Variants in ANKAR observed in about 807,000 individuals in gnomAD.
ANKAR encodes ankyrin and armadillo repeat containing.
Under a neutral mutation model 146.2 loss-of-function variants are expected in ANKAR, and 136 were observed. That is an observed-to-expected ratio of 0.93 (90% CI 0.81 to 1.07). The LOEUF (loss-of-function observed/expected upper bound fraction) is 1.07, where lower values mean the gene tolerates loss of function less well. ANKAR is among the 50% of genes least tolerant of loss of function. The pLI, the probability that ANKAR is intolerant of heterozygous loss-of-function variation, is 0.00. For missense variants in ANKAR, 1,567 were observed against 1,679.9 expected, an observed-to-expected ratio of 0.93 and a Z score of 1.18; for synonymous variants, 500 against 575.8, an observed-to-expected ratio of 0.87 and a Z score of 1.88.
At chr2:189,695,286 C>T in intron 6 of ANKAR, 125 bp downstream of exon 6, 1 of 797,140 alleles carries the variant, frequency 1.3e-6, no homozygotes, top group Non-Finnish European at 1.8e-6. Context: ...AAATAAAATG[C>T]CACATTTTAG....
At chr2:189,722,982 A>C (rs749976540) in intron 12 of ANKAR, among the ~76,000 whole-genome samples, 1 of 152,132 alleles carries the variant, frequency 6.6e-6, no homozygotes, top group Non-Finnish European at 1.5e-5. Flanking sequence ...ACTCCAAGGA[A>C]GATAACTTAA....
At chr2:189,741,169 T>C (rs1254520795) in intron 19 of ANKAR, among the ~76,000 whole-genome samples, 173 bp from the exon 20 acceptor site, 2 of 152,196 alleles carry the variant, frequency 1.3e-5, no homozygotes, top group Non-Finnish European at 2.9e-5. Context: ...AACCAAACTG[T>C]AATTTTGGGG....
In ANKAR at chr2:189,728,946, T is replaced by C; in HGVS notation, c.3193+125T>C. 5.8e-6 allele frequency: 5 copies of C among 856,308 alleles called. No homozygotes were observed. In the East Asian group the frequency reaches 1.4e-4, roughly 23 times the overall value. 53.0% of individuals were successfully genotyped at this position (856,308 alleles called of 1,614,324 possible). A position where few individuals can be genotyped will look rare whatever the true frequency, so the allele number is the denominator to read the frequency against. On this transcript the variant is annotated intron_variant, in intron 15 of 22. Transcript: ENST00000684021. ...TTTGAGCCCTAAATGGTATTTAATG[T>C]ATGAAAGACTATTATAACTTTTAAA...
Position 189,689,025 on chromosome 2 carries a change from G to A in ANKAR, c.602-502G>A, listed in dbSNP as rs577144181. Among the ~76,000 whole-genome samples the A allele has an allele frequency of 1.5e-3, 224 of 152,254 alleles. 11 individuals are homozygous for A. In the South Asian group the frequency reaches 0.045, roughly 30 times the overall value. On this transcript the variant is annotated intron_variant, in intron 2 of 22. Coordinates refer to ENST00000684021, the MANE Select transcript of ANKAR (RefSeq NM_001378068.1). Reference sequence around the variant, plus strand: ...ATTCTTTTAAAATTGCTTATCTTGAGGACAGTGTTTGTTTAACTGTTAGAG... The same window carrying A: ...ATTCTTTTAAAATTGCTTATCTTGAAGACAGTGTTTGTTTAACTGTTAGAG...
At chr2:189,746,091 GA>G (rs769170598) in intron 22 of ANKAR, among the ~76,000 whole-genome samples, 2 of 152,156 alleles carry the variant, frequency 1.3e-5, no homozygotes, top group Admixed American at 6.5e-5. Context: ...ATCATTTTGA[GA>G]TAATGCCTTT....
intron 5 of ANKAR, 118 bp downstream of exon 5, chr2:189,693,295 T>G: frequency 1.5e-6 from 1 of 648,166 alleles, no homozygotes. Flanking sequence ...GATTCCACAA[T>G]AATAACCACC....
intron 9 of ANKAR, among the ~76,000 whole-genome samples, chr2:189,709,140 TAA>T (rs995492237): frequency 2.0e-5 from 3 of 150,228 alleles, no homozygotes; most frequent in Non-Finnish European, 4.4e-5. Context: ...ATTACCTGTT[TAA>T]AAAAAAAGAG....
chr2:189,718,791 G>T (rs1426461125), intron 10 of ANKAR, among the ~76,000 whole-genome samples: 1 of 143,200 alleles, frequency 7.0e-6, no homozygotes, highest in South Asian at 2.2e-4. Flanking sequence ...CGCCCAGGCC[G>T]GACTGCGGAC....
intron 4 of ANKAR, 123 bp from the exon 5 acceptor site, chr2:189,692,951 G>T (rs1300619792): frequency 4.0e-6 from 2 of 502,326 alleles, no homozygotes; most frequent in Non-Finnish European, 7.0e-6. Context: ...CTGCTATCCG[G>T]GTCTTCTGGA....
chr2:189,694,540 T>C (rs967523448), intron 5 of ANKAR, among the ~76,000 whole-genome samples: 1 of 152,200 alleles, frequency 6.6e-6, no homozygotes, highest in Non-Finnish European at 1.5e-5. Flanking sequence ...GGAGGGGGGT[T>C]TCTCTAGTCC....
intron 17 of ANKAR, among the ~76,000 whole-genome samples, chr2:189,736,499 G>GTTTTTTTTTTTTTTTT (rs71938893): frequency 2.6e-5 from 3 of 113,720 alleles, no homozygotes; most frequent in East Asian, 2.8e-4. Context: ...AGGTGACTGG[G>GTTTTTTTTTTTTTTTT]TTTTGTGTGT....
At chr2:189,692,439 G>T in intron 4 of ANKAR, 21 bp downstream of exon 4, 1 of 1,588,180 alleles carries the variant, frequency 6.3e-7, no homozygotes, top group East Asian at 2.3e-5. Context: ...TCATTCCTTA[G>T]ACAATTTATC....
At chr2:189,762,396 G>T, downstream of ANKAR, 1 of 178,316 alleles carries the variant, frequency 5.6e-6, no homozygotes, top group Non-Finnish European at 1.1e-5. Flanking sequence ...AAAGGGACAC[G>T]GCATCCCAGG....
Position 189,741,336 on chromosome 2 carries a change from TTATAGGGAATTTA to T in ANKAR, c.3701-5_3708del, listed in dbSNP as rs757604617. ...AACACAAGCATTTTTCTTGTTTAAT[TTATAGGGAATTTA>T]ATAGCAAGCCTGGCTCATTCTAGAG... On this transcript the variant is annotated splice_acceptor_variant and splice_polypyrimidine_tract_variant and coding_sequence_variant and intron_variant, in exon 20 of 23. Transcript: ENST00000684021. LOFTEE classifies it high-confidence loss of function. 14 of 1,579,478 alleles carry T rather than the reference TTATAGGGAATTTA, an allele frequency of 8.9e-6. No homozygotes were observed. Among genetic ancestry groups the T allele is most frequent in the Admixed American group, 1.9e-5 (1 of 53,082 alleles).
chr2:189,722,709 T>C (rs2041437941), intron 12 of ANKAR, among the ~76,000 whole-genome samples: 1 of 152,024 alleles, frequency 6.6e-6, no homozygotes, highest in South Asian at 2.1e-4. Context: ...GGTGAAAACC[T>C]GTCTCTACTA....
chr2:189,694,960 T>C (rs534488091), intron 5 of ANKAR, 21 bp from the exon 6 acceptor site: 1 of 1,393,322 alleles, frequency 7.2e-7, no homozygotes, highest in African/African-American at 1.4e-5. Context: ...GAAACATCTT[T>C]TTTTTCTTTA....
chr2:189,751,048 G>A (rs761661427), downstream of ANKAR, among the ~76,000 whole-genome samples: 1 of 152,140 alleles, frequency 6.6e-6, no homozygotes, highest in Non-Finnish European at 1.5e-5. Flanking sequence ...AAATGTCCTA[G>A]GTTTCTATAG....
At chr2:189,679,877 A>T (rs1189640471) in intron 2 of ANKAR, among the ~76,000 whole-genome samples, 4 of 152,192 alleles carry the variant, frequency 2.6e-5, no homozygotes, top group African/African-American at 9.7e-5. Flanking sequence ...GGATTTTTGC[A>T]TCCATGTTCA....
intron 12 of ANKAR, 183 bp from the exon 13 acceptor site, chr2:189,727,673 G>A (rs1382053175): frequency 6.4e-6 from 4 of 627,786 alleles, no homozygotes; most frequent in Non-Finnish European, 1.1e-5. Context: ...ATGAGATTAT[G>A]CCAAATGTTT....
Sources: allele counts gnomAD v4.1 joint callset (sites outside exome capture counted in the v4.1 genomes callset), GRCh38; gene constraint gnomAD v4.1.1; transcripts MANE v1.5; gene names NCBI Gene and HGNC (gene_info 2026-07-23, HGNC 2026-07-21).